OC90: variants seen among roughly 807,000 people sequenced by gnomAD.
OC90 encodes the protein otoconin 90.
In OC90, 46 loss-of-function variants were observed where a neutral mutation model predicts 47.3. The ratio of observed to expected loss-of-function variants is 0.97; its 90% CI spans 0.77 to 1.24. OC90 has a LOEUF of 1.24. OC90 is among the 50% of genes most tolerant of loss of function. The pLI is 0.00. For synonymous variants in OC90, 271 were observed against 219.5 expected, an observed-to-expected ratio of 1.23 and a Z score of -2.07; for missense variants, 688 against 583.9, an observed-to-expected ratio of 1.18 and a Z score of -1.84.
At position 132,041,059 on chromosome 8, in the gene OC90, T is replaced by G. The variant is rs750827898; in HGVS notation, c.442A>C (p.Lys148Gln). The G allele has an allele frequency of 3.7e-6, 6 of 1,601,464 alleles. No individual in the cohort carries two copies. The highest frequency in any genetic ancestry group is 4.5e-5 in the East Asian group (2 of 44,818). ...AGATGCTTACCACATATGATCTTCT[T>G]GCTGACACAATTGACCTCTGTGCTA... The part of the protein sequence containing the change: ...KLSTEVNCVS[K>Q]KIICESKDNC... The change falls in exon 6 of 14, where the codon AAG becomes CAG. Residue 148 changes from lysine (K) to glutamine (Q), a missense_variant. Lys to Gln is a moderately conservative substitution (Grantham distance 53). Coordinates refer to ENST00000254627, the MANE Select transcript of OC90 (RefSeq NM_001080399.3).
intron 8 of OC90, among the ~76,000 whole-genome samples, 187 bp from the exon 9 acceptor site, chr8:132,037,675 C>T (rs552414481): frequency 3.9e-5 from 6 of 152,298 alleles, no homozygotes; most frequent in South Asian, 4.1e-4. Context: ...TCCCAGAGCA[C>T]GGAGTGCCCT....
chr8:132,055,454 G>C (rs904310513), intron 1 of OC90, among the ~76,000 whole-genome samples: 7 of 152,214 alleles, frequency 4.6e-5, no homozygotes, highest in African/African-American at 1.4e-4. Flanking sequence ...GTTGCTCATA[G>C]ACTAATGCGG....
chr8:132,029,547 A>G (rs950922189), intron 12 of OC90, among the ~76,000 whole-genome samples: 1 of 152,208 alleles, frequency 6.6e-6, no homozygotes, highest in African/African-American at 2.4e-5. Context: ...TTTTAAATTT[A>G]TGCAAAGGTA....
At position 132,049,214 on chromosome 8, in the gene OC90, C is replaced by A. The variant is rs182110422; in HGVS notation, c.47-3331G>T. On this transcript the variant is annotated intron_variant, in intron 2 of 13. Transcript: ENST00000254627. ...GTTATTTCCTTCTACCTTTACAACACTTTTTTGTGTCAATGTTATCAAGTC... is the reference window on the plus strand; with the variant it reads ...GTTATTTCCTTCTACCTTTACAACAATTTTTTGTGTCAATGTTATCAAGTC... 3.2e-3 allele frequency among the ~76,000 whole-genome samples: 491 copies of A among 151,288 alleles called. 3 individuals are homozygous for A. The highest frequency in any genetic ancestry group is 6.0e-3 in the Non-Finnish European group (410 of 68,030).
chr8:132,048,405 G>C (rs1273891781), intron 2 of OC90, among the ~76,000 whole-genome samples: 1,559 of 150,016 alleles, frequency 0.01, 68 homozygotes, highest in African/African-American at 0.037. Flanking sequence ...AGCAATTTGG[G>C]ATGGTTGGAG....
intron 3 of OC90, 27 bp from the exon 4 acceptor site, chr8:132,044,516 G>C (rs369449039): frequency 7.4e-7 from 1 of 1,358,448 alleles, no homozygotes; most frequent in East Asian, 2.4e-5. Context: ...AAACAAATGA[G>C]AGTCTTGGTT....
intron 11 of OC90, 114 bp from the exon 12 acceptor site, chr8:132,032,166 C>T (rs1275051867): frequency 7.8e-6 from 7 of 896,972 alleles, no homozygotes; most frequent in African/African-American, 5.0e-5. Flanking sequence ...TGCAAAGGAA[C>T]CCCATGTCTT....
chr8:132,045,036 G>A (rs1038220725), intron 3 of OC90, among the ~76,000 whole-genome samples: 3 of 152,204 alleles, frequency 2.0e-5, no homozygotes, highest in Admixed American at 2.0e-4. Flanking sequence ...AGGAGTGGCT[G>A]CCATGGCCTG....
chr8:132,058,527 G>A (rs779261248), intron 1 of OC90, among the ~76,000 whole-genome samples: 4 of 152,176 alleles, frequency 2.6e-5, no homozygotes, highest in Non-Finnish European at 5.9e-5. Flanking sequence ...CTTGCTGGTC[G>A]GACAGACCTG....
At chr8:132,028,811 G>C (rs184979751) in intron 13 of OC90, among the ~76,000 whole-genome samples, 1 of 40,376 alleles carries the variant, frequency 2.5e-5, no homozygotes, top group Non-Finnish European at 5.0e-5. Flanking sequence ...AAGAAAGAAA[G>C]AAAGAAAGAA....
chr8:132,038,292 A>G (rs1371944128), intron 8 of OC90, among the ~76,000 whole-genome samples: 1 of 152,226 alleles, frequency 6.6e-6, no homozygotes, highest in Non-Finnish European at 1.5e-5. Context: ...CCTCCCCATC[A>G]AAAAGCCTCT....
At position 132,024,513 on chromosome 8, in the gene OC90, G is replaced by C. The variant is rs1822724766; in HGVS notation, c.1402C>G (p.Pro468Ala). 3 of 1,585,040 alleles carry C rather than the reference G, an allele frequency of 1.9e-6. No homozygotes were observed. The highest frequency in any genetic ancestry group is 2.6e-6 in the Non-Finnish European group (3 of 1,162,464). The change falls in exon 14 of 14, where the codon CCC becomes GCC. Residue 468 changes from proline (P) to alanine (A), a missense_variant. Physicochemically the swap from Pro to Ala is conservative, Grantham distance 27. Coordinates refer to ENST00000254627, the MANE Select transcript of OC90 (RefSeq NM_001080399.3). The stretch of plus-strand genomic sequence containing the variant: ...CCATGAAGAGGCCCGATCCCCAAGG[G>C]ACCCAGTGACTTCCGCAGAAACCTC... ...AKRFLRKSLG[P>A]LGIGPLHGR
chr8:132,027,591 G>A lies in OC90; in HGVS notation c.1138+1482C>T, dbSNP rs576628242. 6.6e-5 allele frequency among the ~76,000 whole-genome samples: 10 copies of A among 152,314 alleles called. No individual in the cohort carries two copies. The South Asian group carries it at 1.2e-3, about 19-fold the overall frequency. On this transcript the variant is annotated intron_variant, in intron 13 of 13. Transcript: ENST00000254627. ...AAAGCATAAGGGAAATGCATCCACC[G>A]ATATGAATGAGGAAATGGAGCTGGA...
chr8:132,059,197 C>T (rs1296377825), intron 1 of OC90, 144 bp downstream of exon 1: 2 of 150,806 alleles, frequency 1.3e-5, no homozygotes, highest in African/African-American at 4.9e-5. Flanking sequence ...CTCTTTTCCT[C>T]CATCCCTCCC....
chr8:132,024,808 A>T, intron 13 of OC90, 32 bp from the exon 14 acceptor site: 2 of 1,580,014 alleles, frequency 1.3e-6, no homozygotes, highest in Non-Finnish European at 1.7e-6. Flanking sequence ...AGAAGCCATG[A>T]GACCTCTGAG....
rs1026966973 is a variant in OC90 at position 132,048,662 on chromosome 8, G to T, written c.47-2779C>A. Among the ~76,000 whole-genome samples the T allele has an allele frequency of 3.0e-4, 45 of 151,556 alleles. 1 individual carries two copies. The highest frequency in any genetic ancestry group is 1.1e-3 in the African/African-American group (45 of 40,808). On this transcript the variant is annotated intron_variant, in intron 2 of 13. Coordinates refer to ENST00000254627, the MANE Select transcript of OC90 (RefSeq NM_001080399.3). The stretch of plus-strand genomic sequence containing the variant: ...CTATCATCAAGGGAATGGACAGAAT[G>T]ACTGGGGTCCTCGTCCTTTTATCTG...
chr8:132,057,432 A>T (rs975697160), intron 1 of OC90, among the ~76,000 whole-genome samples: 4 of 152,212 alleles, frequency 2.6e-5, no homozygotes, highest in African/African-American at 9.6e-5. Flanking sequence ...ATGAGCCAAA[A>T]TGACTTTATT....
intron 11 of OC90, among the ~76,000 whole-genome samples, chr8:132,032,686 G>A (rs1227982215): frequency 1.3e-5 from 2 of 152,206 alleles, no homozygotes; most frequent in Non-Finnish European, 2.9e-5. Flanking sequence ...AGAGGGAGGA[G>A]AGACAAAGGG....
rs181764236 is a variant in OC90 at position 132,055,990 on chromosome 8, C to T, written c.-47-917G>A. 7.9e-5 allele frequency among the ~76,000 whole-genome samples: 12 copies of T among 152,232 alleles called. No individual in the cohort carries two copies. In the East Asian group the frequency reaches 2.3e-3, roughly 29 times the overall value. On this transcript the variant is annotated intron_variant, in intron 1 of 13. Transcript: ENST00000254627. ...TATAACTCCATAAATAATGTAAATA[C>T]GGTTGGTTGTCTTGTGCATATTCTG...
Sources: allele counts gnomAD v4.1 joint callset (sites outside exome capture counted in the v4.1 genomes callset), GRCh38; gene constraint gnomAD v4.1.1; transcripts MANE v1.5; gene names NCBI Gene and HGNC (gene_info 2026-07-23, HGNC 2026-07-21).